CCSER1: variants seen among roughly 807,000 people sequenced by gnomAD.
The protein encoded by CCSER1 is serine-rich coiled-coil domain-containing protein 1.
In CCSER1, 41 loss-of-function variants were observed where a neutral mutation model predicts 82.0. The ratio of observed to expected loss-of-function variants is 0.50; its 90% CI spans 0.39 to 0.65. CCSER1 has a LOEUF of 0.65. Among genes scored for constraint, CCSER1 ranks in the 30% least tolerant of loss-of-function variants. The pLI is 0.00. For missense variants in CCSER1, 1,119 were observed against 1,064.2 expected (o/e 1.05, Z -0.72); for synonymous variants, 414 against 383.9 (o/e 1.08, Z -0.92).
At chr4:90,456,639 G>A (rs1762205955) in intron 4 of CCSER1, among the ~76,000 whole-genome samples, 1 of 152,222 alleles carries the variant, frequency 6.6e-6, no homozygotes. Context: ...ACCCAAGGGT[G>A]ATGGGGGATT....
At position 90,775,993 on chromosome 4, in the gene CCSER1, C is replaced by T. The variant is rs775514834; in HGVS notation, c.2011-39769C>T. 5.1e-4 allele frequency among the ~76,000 whole-genome samples: 78 copies of T among 151,580 alleles called. 1 individual carries two copies. Among genetic ancestry groups the T allele is most frequent in the Non-Finnish European group, 1.5e-4 (10 of 67,946 alleles). On this transcript the variant is annotated intron_variant, in intron 7 of 10. Coordinates refer to ENST00000509176, the MANE Select transcript of CCSER1 (RefSeq NM_001145065.2). ...AAGACTTCTCCATCATCTAGTTGTA[C>T]GGCCTTGAGACAGCAGCTTACACAG...
chr4:90,309,526 A>G lies in CCSER1; in HGVS notation c.1242A>G (p.Ser414=), dbSNP rs1734925035. Residue 414 remains serine, a synonymous_variant, in exon 2 of 11, where the codon TCA becomes TCG. Transcript: ENST00000509176. The part of the protein sequence containing the change: ...AEHVKGIHPI[S]DSKIIPTSGD... ...ATGTAAAAGGGATCCATCCTATTTCAGATTCAAAGATAATACCTACTTCTG... is the reference window on the plus strand; with the variant it reads ...ATGTAAAAGGGATCCATCCTATTTCGGATTCAAAGATAATACCTACTTCTG... 6.8e-6 allele frequency: 11 copies of G among 1,612,944 alleles called. No individual in the cohort carries two copies. The highest frequency in any genetic ancestry group is 2.2e-5 in the South Asian group (2 of 90,730).
At chr4:90,470,969 G>T (rs1362831913) in intron 5 of CCSER1, among the ~76,000 whole-genome samples, 2 of 151,920 alleles carry the variant, frequency 1.3e-5, no homozygotes, top group African/African-American at 4.8e-5. Flanking sequence ...TTCCACAATT[G>T]ACATATTGGT....
At chr4:90,556,154 G>T (rs1274211088) in intron 5 of CCSER1, among the ~76,000 whole-genome samples, 1 of 152,060 alleles carries the variant, frequency 6.6e-6, no homozygotes, top group Non-Finnish European at 1.5e-5. Flanking sequence ...TAGGCCCATG[G>T]ATCACCATTG....
At chr4:90,837,055 AT>A (rs1761891512) in intron 8 of CCSER1, among the ~76,000 whole-genome samples, 2 of 152,208 alleles carry the variant, frequency 1.3e-5, no homozygotes, top group South Asian at 2.1e-4. Context: ...TTTATAAAAA[AT>A]ATTGTAAAAA....
chr4:90,598,642 AT>A, intron 5 of CCSER1, among the ~76,000 whole-genome samples: 1 of 152,182 alleles, frequency 6.6e-6, no homozygotes, highest in East Asian at 1.9e-4. Context: ...TCCTTTGTCC[AT>A]TTTTTAATTG....
At chr4:91,192,308 C>A (rs1735069096) in intron 10 of CCSER1, among the ~76,000 whole-genome samples, 1 of 152,142 alleles carries the variant, frequency 6.6e-6, no homozygotes, top group Non-Finnish European at 1.5e-5. Flanking sequence ...TCCCCTACTT[C>A]CACATATTTA....
chr4:90,229,693 A>C (rs1744041797), intron 1 of CCSER1, among the ~76,000 whole-genome samples: 1 of 152,344 alleles, frequency 6.6e-6, no homozygotes, highest in East Asian at 1.9e-4. Context: ...ATAAAGAGTC[A>C]TGACCCATCA....
chr4:90,861,816 G>A (rs1188863042), intron 8 of CCSER1, among the ~76,000 whole-genome samples: 2 of 150,936 alleles, frequency 1.3e-5, no homozygotes, highest in African/African-American at 4.9e-5. Context: ...TGAGAAAATA[G>A]AGAAAATGAG....
chr4:90,673,875 T>C (rs1733283889), intron 6 of CCSER1, among the ~76,000 whole-genome samples: 1 of 152,068 alleles, frequency 6.6e-6, no homozygotes, highest in South Asian at 2.1e-4. Context: ...TCATTATAAA[T>C]TTAGCCAGTA....
chr4:90,786,191 C>T lies in CCSER1; in HGVS notation c.2011-29571C>T, dbSNP rs376700122. Among the ~76,000 whole-genome samples the T allele has an allele frequency of 3.3e-5, 5 of 151,966 alleles. No individual in the cohort carries two copies. In the East Asian group the frequency reaches 5.8e-4, roughly 18 times the overall value. On this transcript the variant is annotated intron_variant, in intron 7 of 10. Transcript: ENST00000509176. The stretch of plus-strand genomic sequence containing the variant: ...CTCCTAAGCAATGTTCTGTAGGGCA[C>T]GTGGAAGCGCAACTGAAGTGATTCA...
chr4:91,498,784 T>A (rs1393339241), intron 10 of CCSER1, among the ~76,000 whole-genome samples: 1 of 151,916 alleles, frequency 6.6e-6, no homozygotes, highest in Non-Finnish European at 1.5e-5. Context: ...ACTTTTCTCA[T>A]AAGTTTGATA....
At chr4:90,129,277 G>A (rs888757227) in intron 1 of CCSER1, among the ~76,000 whole-genome samples, 28 of 152,122 alleles carry the variant, frequency 1.8e-4, no homozygotes, top group African/African-American at 6.3e-4. Context: ...TTCAAAACTG[G>A]TTATTAAGGG....
intron 7 of CCSER1, chr4:90,724,715 G>A: frequency 2.9e-6 from 1 of 342,704 alleles, no homozygotes; most frequent in South Asian, 2.4e-5. Context: ...TTGGGATGAT[G>A]TACTTAAGTG....
chr4:90,303,988 G>A (rs536440603), intron 1 of CCSER1, among the ~76,000 whole-genome samples: 13 of 152,232 alleles, frequency 8.5e-5, no homozygotes, highest in East Asian at 7.7e-4. Context: ...AAAAGTGGGC[G>A]AAGGACATGA....
At chr4:90,811,843 T>C (rs946761732) in intron 7 of CCSER1, among the ~76,000 whole-genome samples, 9 of 144,538 alleles carry the variant, frequency 6.2e-5, no homozygotes, top group Admixed American at 2.1e-4. Flanking sequence ...TAGCTAGTTG[T>C]ATCTTGTAGT....
chr4:91,548,599 G>C (rs1762005212), intron 10 of CCSER1, among the ~76,000 whole-genome samples: 1 of 149,990 alleles, frequency 6.7e-6, no homozygotes, highest in Non-Finnish European at 1.5e-5. Flanking sequence ...TTCTCCTTCA[G>C]TTTTGAAGAA....
At chr4:91,116,935 G>C (rs1387928810) in intron 10 of CCSER1, among the ~76,000 whole-genome samples, 1 of 152,072 alleles carries the variant, frequency 6.6e-6, no homozygotes, top group African/African-American at 2.4e-5. Flanking sequence ...ATATTTAGTA[G>C]GCTACTTTAC....
chr4:90,307,995 C>A (rs1734616204), intron 1 of CCSER1, among the ~76,000 whole-genome samples: 1 of 152,164 alleles, frequency 6.6e-6, no homozygotes, highest in South Asian at 2.1e-4. Context: ...AACACTCTTG[C>A]ATAAACTTTA....
Sources: allele counts gnomAD v4.1 joint callset (sites outside exome capture counted in the v4.1 genomes callset), GRCh38; gene constraint gnomAD v4.1.1; transcripts MANE v1.5; gene names NCBI Gene and HGNC (gene_info 2026-07-23, HGNC 2026-07-21).